Variants in R3HDM2 observed in about 807,000 individuals in gnomAD.
R3HDM2 encodes the protein R3H domain containing 2, also known as R3H domain-containing protein 2.
Under a neutral mutation model 124.5 loss-of-function variants are expected in R3HDM2, and 38 were observed. The ratio of observed to expected loss-of-function variants is 0.31; its 90% CI spans 0.24 to 0.40. The LOEUF (loss-of-function observed/expected upper bound fraction) is 0.40. Ranked by LOEUF, R3HDM2 falls within the 10% of genes least tolerant of loss-of-function variation. The pLI is 1.00. For synonymous variants in R3HDM2, 391 were observed against 448.0 expected, an observed-to-expected ratio of 0.87 and a Z score of 1.61; for missense variants, 869 against 1,236.9, an observed-to-expected ratio of 0.70 and a Z score of 4.46.
intron 4 of R3HDM2, 108 bp from the exon 5 acceptor site, chr12:57,300,289 G>T: frequency 1.1e-6 from 1 of 935,864 alleles, no homozygotes; most frequent in Non-Finnish European, 1.6e-6. Flanking sequence ...GTCCTCTTTG[G>T]CTCTGTTAGT....
intron 13 of R3HDM2, among the ~76,000 whole-genome samples, chr12:57,281,549 G>A (rs925210205): frequency 2.0e-5 from 3 of 151,490 alleles, no homozygotes; most frequent in African/African-American, 7.3e-5. Context: ...GCAGTGGCAC[G>A]ATCTTGGCTC....
In R3HDM2 at chr12:57,359,621, G is replaced by A. The variant is rs376444045; in HGVS notation, c.-36+36128C>T. Among the ~76,000 whole-genome samples, 6 of 152,178 alleles carry A rather than the reference G, an allele frequency of 3.9e-5. No homozygotes were observed. The East Asian group carries it at 5.8e-4, about 15-fold the overall frequency. On this transcript the variant is annotated intron_variant, in intron 2 of 23. Coordinates refer to ENST00000402412, the MANE Select transcript of R3HDM2 (RefSeq NM_001394031.1). The stretch of plus-strand genomic sequence containing the variant: ...GTTGCAGACAGCATGCGGCTGGGTC[G>A]TGCTTTTAGATGCAATCTGATAATT...
intron 13 of R3HDM2, among the ~76,000 whole-genome samples, chr12:57,282,279 A>G (rs2046340572): frequency 6.7e-6 from 1 of 150,016 alleles, no homozygotes; most frequent in Non-Finnish European, 1.5e-5. Context: ...CCATTGCGTA[A>G]CAAGAGCAAG....
At chr12:57,322,068 A>G (rs1254206996) in intron 2 of R3HDM2, among the ~76,000 whole-genome samples, 1 of 152,164 alleles carries the variant, frequency 6.6e-6, no homozygotes, top group East Asian at 1.9e-4. Flanking sequence ...ATCTACTAAA[A>G]AATACAAAAA....
chr12:57,255,004 G>A lies in R3HDM2; in HGVS notation c.2742C>T (p.Leu914=). The change falls in exon 24 of 24, where the codon CTC becomes CTT. Residue 914 remains leucine, a synonymous_variant. Coordinates refer to ENST00000402412, the MANE Select transcript of R3HDM2 (RefSeq NM_001394031.1). The part of the protein sequence containing the change: ...LAMSGAKIQW[L]KDAQGLPGGG... ...CTCCAGGCAGCCCCTGAGCATCCTT[G>A]AGCCACTGGATCTTGGCGCCAGACA... 1.9e-6 allele frequency: 3 copies of A among 1,612,106 alleles called. No homozygotes were observed. Among genetic ancestry groups the A allele is most frequent in the Non-Finnish European group, 2.5e-6 (3 of 1,179,222 alleles).
At chr12:57,301,010 G>A (rs535010316) in intron 4 of R3HDM2, among the ~76,000 whole-genome samples, 1 of 151,692 alleles carries the variant, frequency 6.6e-6, no homozygotes, top group Non-Finnish European at 1.5e-5. Flanking sequence ...AGGCTGAGGC[G>A]GGAGAATTGC....
rs116123334 is a variant in R3HDM2 at position 57,328,040 on chromosome 12, G to C, written c.-35-17577C>G. 8.2e-3 allele frequency among the ~76,000 whole-genome samples: 1,251 copies of C among 152,040 alleles called. 16 individuals carry two copies. Among genetic ancestry groups the C allele is most frequent in the African/African-American group, 0.028 (1,167 of 41,488 alleles). On this transcript the variant is annotated intron_variant, in intron 2 of 23. Coordinates refer to ENST00000402412, the MANE Select transcript of R3HDM2 (RefSeq NM_001394031.1). ...TGCTCTAGAGACATCTTTCATGAAA[G>C]GAACAGTCAGTCGATTCGGTAAATT...
At chr12:57,425,259 C>A (rs370127853) in intron 1 of R3HDM2, among the ~76,000 whole-genome samples, 2 of 147,924 alleles carry the variant, frequency 1.4e-5, no homozygotes, top group Non-Finnish European at 1.5e-5. Context: ...GCAACAAGAG[C>A]GAAACTCCGT....
At chr12:57,328,134 CG>C (rs1412196197) in intron 2 of R3HDM2, among the ~76,000 whole-genome samples, 4 of 150,484 alleles carry the variant, frequency 2.7e-5, no homozygotes, top group African/African-American at 9.8e-5. Context: ...TGCAGTGGCG[CG>C]ATCACAGCTC....
At chr12:57,320,279 A>AAAAAAAAAAAAAAAAAAAAAAAAAAAAT in intron 2 of R3HDM2, among the ~76,000 whole-genome samples, 1 of 143,734 alleles carries the variant, frequency 7.0e-6, no homozygotes, top group Non-Finnish European at 1.5e-5. Flanking sequence ...AAAAAAAAAA[A>AAAAAAAAAAAAAAAAAAAAAAAAAAAAT]AAAAAAAAAG....
intron 1 of R3HDM2, among the ~76,000 whole-genome samples, chr12:57,411,446 G>A (rs1055689483): frequency 1.3e-5 from 2 of 152,198 alleles, no homozygotes; most frequent in African/African-American, 4.8e-5. Flanking sequence ...TTACAGGCAT[G>A]AGCCATGGCC....
chr12:57,384,175 G>A (rs1421948895), intron 2 of R3HDM2, among the ~76,000 whole-genome samples: 7 of 151,760 alleles, frequency 4.6e-5, no homozygotes, highest in African/African-American at 1.5e-4. Context: ...CGGTGAAACC[G>A]TCTCTACTAA....
At position 57,349,379 on chromosome 12, in the gene R3HDM2, C is replaced by CAAAA. The variant is rs1161831845; in HGVS notation, c.-35-38920_-35-38917dup. Among the ~76,000 whole-genome samples, 181 of 57,800 alleles carry CAAAA rather than the reference C, an allele frequency of 3.1e-3. 2 individuals carry two copies. The highest frequency in any genetic ancestry group is 0.011 in the African/African-American group (116 of 10,794). The allele number at this position is 57,800 out of a possible 152,430, so 37.9% of individuals were successfully genotyped here. A position where few individuals can be genotyped will look rare whatever the true frequency, so the allele number is the denominator to read the frequency against. ...TGCCGACAGAGCGAGACTCCGTCTC[C>CAAAA]AAAAAAAAAAAAAAAAAAAAAAAAA... On this transcript the variant is annotated intron_variant, in intron 2 of 23. Transcript: ENST00000402412.
chr12:57,263,303 C>T (rs1187672917), intron 19 of R3HDM2, among the ~76,000 whole-genome samples: 1 of 152,208 alleles, frequency 6.6e-6, no homozygotes, highest in Non-Finnish European at 1.5e-5. Context: ...CCATAGGCTA[C>T]AGTGCTTCTT....
intron 2 of R3HDM2, among the ~76,000 whole-genome samples, chr12:57,313,882 G>GA (rs869177467): frequency 0.032 from 1,943 of 60,354 alleles, 85 homozygotes; most frequent in African/African-American, 0.087. Context: ...TCCTGTCTCT[G>GA]AAAAAAAAAA....
At chr12:57,400,860 T>C (rs1296892108) in intron 1 of R3HDM2, among the ~76,000 whole-genome samples, 5 of 152,040 alleles carry the variant, frequency 3.3e-5, no homozygotes, top group African/African-American at 9.7e-5. Context: ...GAAGAAACAA[T>C]AGCTTTTCAG....
intron 2 of R3HDM2, among the ~76,000 whole-genome samples, chr12:57,359,977 G>A (rs2061685283): frequency 7.0e-6 from 1 of 143,224 alleles, no homozygotes; most frequent in Non-Finnish European, 1.5e-5. Context: ...CCACTTATAT[G>A]TGAATTGTTT....
intron 2 of R3HDM2, among the ~76,000 whole-genome samples, chr12:57,340,620 A>C (rs546764444): frequency 1.4e-4 from 22 of 152,350 alleles, no homozygotes; most frequent in African/African-American, 5.1e-4. Flanking sequence ...GTAAGCTGAG[A>C]AGCAGACATT....
At chr12:57,319,958 A>G (rs1375179820) in intron 2 of R3HDM2, among the ~76,000 whole-genome samples, 1 of 152,120 alleles carries the variant, frequency 6.6e-6, no homozygotes, top group Non-Finnish European at 1.5e-5. Flanking sequence ...AAAGCAAAAG[A>G]AAGCAACCAA....
Sources: gnomAD v4.1 joint callset for allele counts (sites outside exome capture counted in the v4.1 genomes callset) on GRCh38, gnomAD v4.1.1 for gene constraint, MANE v1.5 for transcripts, NCBI Gene and HGNC (gene_info 2026-07-23, HGNC 2026-07-21) for gene names.